KIF4A: variants seen among roughly 807,000 people sequenced by gnomAD.
KIF4A encodes the protein kinesin family member 4A.
A neutral mutation model predicts 105.9 loss-of-function variants in KIF4A; 7 were observed. The ratio of observed to expected loss-of-function variants is 0.07; its 90% confidence interval spans 0.04 to 0.12. KIF4A has a LOEUF of 0.12. Ranked by LOEUF, KIF4A falls within the 10% of genes least tolerant of loss-of-function variation. KIF4A has a pLI of 1.00. For missense variants in KIF4A, 558 were observed against 929.2 expected (o/e 0.60, Z 5.19); for synonymous variants, 281 against 331.3 (o/e 0.85, Z 1.65).
chrX:70,354,170 G>A (rs952083241), intron 15 of KIF4A, among the ~76,000 whole-genome samples: 2 of 112,943 alleles, frequency 1.8e-5, no homozygotes, highest in East Asian at 5.5e-4. Context: ...GAAGACACTA[G>A]TGGATGTCAC....
intron 13 of KIF4A, among the ~76,000 whole-genome samples, chrX:70,346,004 C>T (rs1187954067): frequency 9.0e-6 from 1 of 111,303 alleles, no homozygotes; most frequent in Non-Finnish European, 1.9e-5. Flanking sequence ...GTTTGCCATG[C>T]AGACAAAAGG....
At chrX:70,302,114 A>T in intron 6 of KIF4A, 48 bp downstream of exon 6, 1 of 1,166,670 alleles carries the variant, frequency 8.6e-7, no homozygotes, top group Non-Finnish European at 1.2e-6. Context: ...AGTTCTATTA[A>T]GGTTAAACAT....
chrX:70,374,156 CATA>C lies in KIF4A; in HGVS notation c.1682_1684del (p.Ile561del). ...TTGACCTATAACCTTTCTAGGATAA[CATA>C]AAAGAGCTAGAATTAGAAGTCATCA... is the stretch of plus-strand genomic sequence containing the variant. On this transcript the variant is annotated inframe_deletion, in exon 16 of 31. Coordinates refer to ENST00000374403, the MANE Select transcript of KIF4A (RefSeq NM_012310.5). 8.6e-7 allele frequency: 1 copy of C among 1,156,307 alleles called. No individual in the cohort carries two copies. The highest frequency in any genetic ancestry group is 1.2e-6 in the Non-Finnish European group (1 of 847,286).
chrX:70,320,438 G>A (rs756705701), intron 7 of KIF4A, among the ~76,000 whole-genome samples: 4 of 112,214 alleles, frequency 3.6e-5, no homozygotes, highest in Non-Finnish European at 5.6e-5. Flanking sequence ...GTGTTCAACA[G>A]ATGAATGGAT....
At chrX:70,302,436 A>G in intron 7 of KIF4A, 38 bp downstream of exon 7, 1 of 1,136,396 alleles carries the variant, frequency 8.8e-7, no homozygotes, top group Non-Finnish European at 1.2e-6. Context: ...TAGATTAAAA[A>G]CTTCTAGTAC....
At chrX:70,404,492 A>T (rs1035180755) in intron 24 of KIF4A, among the ~76,000 whole-genome samples, 1 of 105,941 alleles carries the variant, frequency 9.4e-6, no homozygotes, top group African/African-American at 3.4e-5. Flanking sequence ...GTGAGCCATG[A>T]TCGTGCCATT....
At chrX:70,367,041 A>G (rs1030402059) in intron 15 of KIF4A, among the ~76,000 whole-genome samples, 4 of 111,280 alleles carry the variant, frequency 3.6e-5, no homozygotes, top group Non-Finnish European at 5.7e-5. Context: ...TGTTGGTTTA[A>G]AGTCTGTTTT....
At chrX:70,392,081 A>C (rs2147732150) in intron 20 of KIF4A, among the ~76,000 whole-genome samples, 1 of 111,629 alleles carries the variant, frequency 9.0e-6, no homozygotes, top group East Asian at 2.8e-4. Context: ...AACTTGTTTA[A>C]ATTTTTGTAT....
chrX:70,317,262 A>C (rs2085872939), intron 7 of KIF4A, among the ~76,000 whole-genome samples: 1 of 111,567 alleles, frequency 9.0e-6, no homozygotes, highest in Non-Finnish European at 1.9e-5. Context: ...CCTTCCCTTT[A>C]GACTCAAGCT....
At chrX:70,326,278 C>T (rs2085910621) in intron 7 of KIF4A, among the ~76,000 whole-genome samples, 2 of 111,781 alleles carry the variant, frequency 1.8e-5, no homozygotes, top group South Asian at 7.5e-4. Flanking sequence ...CTGTCCTATG[C>T]ATTGTAGGAT....
intron 15 of KIF4A, among the ~76,000 whole-genome samples, chrX:70,373,515 T>TATAC (rs1569245271): frequency 2.2e-4 from 1 of 4,545 alleles, no homozygotes; most frequent in African/African-American, 6.9e-4. Context: ...TATATACATG[T>TATAC]GTGTGTATGT....
At chrX:70,394,833 G>T (rs182302412) in intron 20 of KIF4A, among the ~76,000 whole-genome samples, 14,050 of 111,257 alleles carry the variant, frequency 0.13, 768 homozygotes, top group East Asian at 0.24. Flanking sequence ...TTTATTTTTT[G>T]ATAGGAATTC....
At chrX:70,403,275 T>G (rs1460417431) in intron 23 of KIF4A, among the ~76,000 whole-genome samples, 1 of 112,351 alleles carries the variant, frequency 8.9e-6, no homozygotes, top group Non-Finnish European at 1.9e-5. Flanking sequence ...TTATACATTT[T>G]TGTGTTAGCT....
intron 10 of KIF4A, among the ~76,000 whole-genome samples, chrX:70,340,752 C>T (rs1283975339): frequency 9.0e-6 from 1 of 111,323 alleles, no homozygotes; most frequent in Non-Finnish European, 1.9e-5. Flanking sequence ...AGGGCATCTA[C>T]TCTATTCCTG....
At chrX:70,325,768 C>A (rs1442008826) in intron 7 of KIF4A, among the ~76,000 whole-genome samples, 1 of 108,174 alleles carries the variant, frequency 9.2e-6, no homozygotes, top group Admixed American at 9.9e-5. Context: ...TCCCCAAAGT[C>A]CATTATGTCA....
chrX:70,323,857 C>A (rs1032136819), intron 7 of KIF4A, among the ~76,000 whole-genome samples: 2 of 86,255 alleles, frequency 2.3e-5, no homozygotes, highest in African/African-American at 8.6e-5. Context: ...TATTTGAGAC[C>A]GAGTCTTGCT....
chrX:70,347,565 G>T (rs1287642963), intron 13 of KIF4A, among the ~76,000 whole-genome samples: 1 of 111,831 alleles, frequency 8.9e-6, no homozygotes, highest in African/African-American at 3.2e-5. Context: ...GTCTCCAAAG[G>T]CCAGTGTTTT....
chrX:70,408,582 T>C (rs893519963), intron 28 of KIF4A, among the ~76,000 whole-genome samples: 2 of 111,991 alleles, frequency 1.8e-5, no homozygotes, highest in East Asian at 2.8e-4. Context: ...TTATTTGATT[T>C]GATTAGCCTA....
intron 18 of KIF4A, among the ~76,000 whole-genome samples, chrX:70,383,141 C>T (rs965859641): frequency 1.9e-5 from 2 of 104,869 alleles, no homozygotes; most frequent in East Asian, 6.1e-4. Context: ...GAGCCGAGAT[C>T]GTGCCATTGC....
Sources: gnomAD v4.1 joint callset for allele counts (sites outside exome capture counted in the v4.1 genomes callset) on GRCh38, gnomAD v4.1.1 for gene constraint, MANE v1.5 for transcripts, NCBI Gene and HGNC (gene_info 2026-07-23, HGNC 2026-07-21) for gene names.